The following NDUFAF6 variants were observed in gnomAD, a reference collection of about 807,000 sequenced individuals.
NDUFAF6 encodes NADH:ubiquinone oxidoreductase complex assembly factor 6.
In NDUFAF6, 45 loss-of-function variants were observed where a neutral mutation model predicts 40.8. The observed-to-expected ratio is 1.10, with a 90% CI of 0.87 to 1.42. The LOEUF (loss-of-function observed/expected upper bound fraction) is 1.42. Ranked by LOEUF, NDUFAF6 falls within the 40% of genes most tolerant of loss-of-function variation. The probability of loss-of-function intolerance (pLI) is 0.00; values close to 1 mark genes in which losing one functional copy is unlikely to be tolerated. For missense variants in NDUFAF6, 435 were observed against 418.5 expected, an observed-to-expected ratio of 1.04 and a Z score of -0.34; for synonymous variants, 185 against 155.9, an observed-to-expected ratio of 1.19 and a Z score of -1.39.
chr8:95,009,947 A>G (rs1411079315), intron 2 of NDUFAF6, among the ~76,000 whole-genome samples: 3 of 152,176 alleles, frequency 2.0e-5, no homozygotes, highest in Admixed American at 1.3e-4. Context: ...TTCTTAGCAA[A>G]ATACAGAATG....
chr8:95,080,479 T>A (rs896652093), downstream of NDUFAF6, among the ~76,000 whole-genome samples: 14 of 151,836 alleles, frequency 9.2e-5, no homozygotes, highest in African/African-American at 3.1e-4. Context: ...GTAGTGTATT[T>A]TTGTAGTGAT....
chr8:95,100,260 C>CAAAAATAAAAAA (rs1809610740), upstream of NDUFAF6: 1 of 134,204 alleles, frequency 7.5e-6, no homozygotes, highest in Non-Finnish European at 1.6e-5. Context: ...GGTCTGCATG[C>CAAAAATAAAAAA]AAAAAAAAAA....
At chr8:95,010,593 G>T (rs1023242762) in intron 2 of NDUFAF6, among the ~76,000 whole-genome samples, 31 of 152,174 alleles carry the variant, frequency 2.0e-4, no homozygotes, top group Non-Finnish European at 2.9e-5. Context: ...GTTCCTGAGA[G>T]AATTTGTGAT....
rs1034567298 is a variant in NDUFAF6, at chr8:95,083,853, G to T, written n.213+8101G>T. 5.9e-5 allele frequency among the ~76,000 whole-genome samples: 9 copies of T among 152,072 alleles called. 1 individual carries two copies. The highest frequency in any genetic ancestry group is 4.1e-4 in the South Asian group (2 of 4,830). On this transcript the variant is annotated intron_variant and non_coding_transcript_variant, in intron 2 of 5. Transcript: ENST00000523184. Reference sequence around the variant, plus strand: ...GAGACTGCTTATATGACCATGTTTCGTTACCTACATTCATAAATAAAGAAA... The same window carrying T: ...GAGACTGCTTATATGACCATGTTTCTTTACCTACATTCATAAATAAAGAAA...
In NDUFAF6 at chr8:95,054,393, C is replaced by T. The variant is rs181580096; in HGVS notation, c.873+2163C>T. Among the ~76,000 whole-genome samples, 9 of 151,054 alleles carry T rather than the reference C, an allele frequency of 6.0e-5. No individual in the cohort carries two copies. In the East Asian group the frequency reaches 7.8e-4, roughly 13 times the overall value. ...ATCTTGGGCTCCCTCACAGACCTGC[C>T]GAATCAGAAACTCGGGGGGTGGGGC... On this transcript the variant is annotated intron_variant, in intron 8 of 8. Transcript: ENST00000396124.
chr8:94,924,478 G>A (rs1819727272), intron 1 of NDUFAF6, among the ~76,000 whole-genome samples: 1 of 152,190 alleles, frequency 6.6e-6, no homozygotes, highest in Admixed American at 6.5e-5. Context: ...AGCAGACAGT[G>A]TTTCAATGAA....
chr8:95,043,122 G>A (rs377525652), intron 4 of NDUFAF6, among the ~76,000 whole-genome samples: 6 of 144,386 alleles, frequency 4.2e-5, no homozygotes, highest in Admixed American at 1.4e-4. Flanking sequence ...GTCTCGCTCT[G>A]TTGCCAGGCT....
In NDUFAF6 at chr8:95,075,688, G is replaced by A. The variant is rs530802112; in HGVS notation, c.*567G>A. 3.4e-5 allele frequency: 44 copies of A among 1,288,184 alleles called. No individual in the cohort carries two copies. In the East Asian group the frequency reaches 2.3e-3, roughly 67 times the overall value. The allele number at this position is 1,288,184 out of a possible 1,614,324, so 79.8% of individuals were successfully genotyped here. A position where few individuals can be genotyped will look rare whatever the true frequency, so the allele number is the denominator to read the frequency against. On this transcript the variant is annotated 3_prime_UTR_variant and NMD_transcript_variant, in exon 10 of 10. Transcript: ENST00000520757. ...TGTCTTGCACAGCCAGCCAGCCTGG[G>A]AAAATGAAGCCAACTGGGAGAGAGA...
rs1418513114 is a variant in NDUFAF6, at chr8:95,042,174, A to G, written c.477+548A>G. 2.6e-5 allele frequency among the ~76,000 whole-genome samples: 4 copies of G among 152,198 alleles called. No homozygotes were observed. In the East Asian group the frequency reaches 7.7e-4, roughly 29 times the overall value. On this transcript the variant is annotated intron_variant, in intron 4 of 8. Coordinates refer to ENST00000396124, the MANE Select transcript of NDUFAF6 (RefSeq NM_152416.4). ...AAAGAAAGTCTGACAGTTCCAGTGAATGGAATCCTGTACTAAATTCTTAGA... is the reference window on the plus strand; with the variant it reads ...AAAGAAAGTCTGACAGTTCCAGTGAGTGGAATCCTGTACTAAATTCTTAGA...
intron 5 of NDUFAF6, among the ~76,000 whole-genome samples, chr8:95,046,032 A>ATTTATTTTATTTTAT (rs546325431): frequency 2.0e-5 from 3 of 147,710 alleles, no homozygotes; most frequent in African/African-American, 8.0e-5. Context: ...AGTAAAACAC[A>ATTTATTTTATTTTAT]TTTATTTTAT....
intron 1 of NDUFAF6, among the ~76,000 whole-genome samples, chr8:94,923,820 C>CAGT (rs1819666034): frequency 6.7e-6 from 1 of 148,580 alleles, no homozygotes; most frequent in South Asian, 2.2e-4. Context: ...GCTGGGACTA[C>CAGT]AGGTGCCCGC....
intron 1 of NDUFAF6, among the ~76,000 whole-genome samples, chr8:94,971,665 G>A (rs928586309): frequency 6.6e-6 from 1 of 152,238 alleles, no homozygotes; most frequent in South Asian, 2.1e-4. Context: ...GGCCTGGCGC[G>A]GTGGCTTATG....
downstream of NDUFAF6, among the ~76,000 whole-genome samples, chr8:95,105,361 C>T (rs539079237): frequency 1.3e-4 from 8 of 63,760 alleles, no homozygotes; most frequent in East Asian, 1.1e-3. Flanking sequence ...TGAATTTAGG[C>T]GCATTTTTTT....
downstream of NDUFAF6, among the ~76,000 whole-genome samples, chr8:95,079,677 T>G (rs1808752599): frequency 6.6e-6 from 1 of 151,898 alleles, no homozygotes; most frequent in South Asian, 2.1e-4. Context: ...AAAAACTGAT[T>G]CTTGAAGGAA....
intron 2 of NDUFAF6, among the ~76,000 whole-genome samples, chr8:95,005,150 T>C (rs1345932321): frequency 2.6e-5 from 4 of 152,080 alleles, no homozygotes; most frequent in Non-Finnish European, 5.9e-5. Context: ...TCCTTCTTGG[T>C]AAAATGGGAG....
At chr8:95,044,226 G>A (rs545097801) in intron 4 of NDUFAF6, among the ~76,000 whole-genome samples, 3 of 152,050 alleles carry the variant, frequency 2.0e-5, no homozygotes, top group Non-Finnish European at 4.4e-5. Context: ...GCTGAGGAGG[G>A]GGGGAAATGG....
At chr8:94,973,480 G>A (rs181706297) in intron 1 of NDUFAF6, among the ~76,000 whole-genome samples, 387 of 152,250 alleles carry the variant, frequency 2.5e-3, no homozygotes, top group Non-Finnish European at 3.8e-3. Context: ...AGGCTAAGGC[G>A]GGCAGATCAC....
At chr8:95,042,663 A>G (rs915403303) in intron 4 of NDUFAF6, among the ~76,000 whole-genome samples, 1 of 152,228 alleles carries the variant, frequency 6.6e-6, no homozygotes, top group African/African-American at 2.4e-5. Context: ...TGGAAATGCA[A>G]GGGACCCAGA....
chr8:95,049,727 G>C (rs1484808013), intron 7 of NDUFAF6, among the ~76,000 whole-genome samples: 1 of 152,006 alleles, frequency 6.6e-6, no homozygotes, highest in East Asian at 1.9e-4. Context: ...GTCTTCCCTG[G>C]CCACGTTACC....
Sources: gnomAD v4.1 joint callset for allele counts (sites outside exome capture counted in the v4.1 genomes callset) on GRCh38, gnomAD v4.1.1 for gene constraint, MANE v1.5 for transcripts, NCBI Gene and HGNC (gene_info 2026-07-23, HGNC 2026-07-21) for gene names.